The following SPATA3 variants were observed in gnomAD, a reference collection of about 807,000 sequenced individuals.
SPATA3 encodes the protein spermatogenesis-associated protein 3.
SPATA3 carries 6 observed loss-of-function variants against 5.7 expected under a neutral mutation model. That is an observed-to-expected ratio of 1.06 (90% confidence interval 0.58 to 2.09). The LOEUF (loss-of-function observed/expected upper bound fraction) is 2.09, where lower values mean the gene tolerates loss of function less well. Among genes scored for constraint, SPATA3 ranks in the 30% most tolerant of loss-of-function variants. SPATA3 has a pLI of 0.00. For synonymous variants in SPATA3, 44 were observed against 48.4 expected (o/e 0.91, Z 0.37); for missense variants, 155 against 130.4 (o/e 1.19, Z -0.92).
At chr2:231,008,808 A>T (rs1446103838), downstream of SPATA3, among the ~76,000 whole-genome samples, 1 of 152,240 alleles carries the variant, frequency 6.6e-6, no homozygotes, top group African/African-American at 2.4e-5. Context: ...AAAAGTCAGG[A>T]GAGAGTTCTG....
At chr2:231,016,506 CAAAA>C (rs749712082) in intron 6 of SPATA3, among the ~76,000 whole-genome samples, 1 of 70,070 alleles carries the variant, frequency 1.4e-5, no homozygotes, top group African/African-American at 5.3e-5. Context: ...CCTGTCTCTA[CAAAA>C]AAAAAAAAAA....
chr2:231,001,554 C>T (rs1225057271), intron 2 of SPATA3, among the ~76,000 whole-genome samples: 1 of 152,168 alleles, frequency 6.6e-6, no homozygotes, highest in Non-Finnish European at 1.5e-5. Context: ...AAAAATACTC[C>T]ACCACCCAGT....
intron 1 of SPATA3, among the ~76,000 whole-genome samples, chr2:230,997,272 G>A (rs903234640): frequency 6.6e-6 from 1 of 152,206 alleles, no homozygotes; most frequent in Non-Finnish European, 1.5e-5. Flanking sequence ...AAAAAAGGGA[G>A]TTTCCCTGCA....
At chr2:231,002,684 A>G (rs1218208659) in exon 3 of SPATA3, 2 of 1,506,768 alleles carry the variant, frequency 1.3e-6, no homozygotes, top group African/African-American at 2.8e-5. Flanking sequence ...TGCTCTACAG[A>G]AAATCTTCAA....
chr2:231,009,622 G>A (rs566431468), downstream of SPATA3, among the ~76,000 whole-genome samples: 13 of 152,314 alleles, frequency 8.5e-5, no homozygotes, highest in Admixed American at 3.3e-4. Flanking sequence ...GTTGCCTGTC[G>A]TGGGCCATAG....
At chr2:231,012,271 C>T (rs1388618345), downstream of SPATA3, among the ~76,000 whole-genome samples, 1 of 152,220 alleles carries the variant, frequency 6.6e-6, no homozygotes, top group Non-Finnish European at 1.5e-5. Context: ...GGTGTCTGAT[C>T]TCATCTGAGG....
intron 5 of SPATA3, among the ~76,000 whole-genome samples, chr2:231,013,653 G>A (rs1354404015): frequency 2.6e-5 from 4 of 152,064 alleles, no homozygotes; most frequent in African/African-American, 7.2e-5. Flanking sequence ...ACCATGCCTG[G>A]CTAATTTTGT....
intron 1 of SPATA3, among the ~76,000 whole-genome samples, chr2:230,997,245 T>C (rs946541783): frequency 4.6e-5 from 7 of 152,212 alleles, no homozygotes; most frequent in Non-Finnish European, 7.3e-5. Flanking sequence ...ATAAGTTTCA[T>C]GAGATCTAAT....
chr2:231,006,512 AAAAG>A (rs1339232624), downstream of SPATA3, among the ~76,000 whole-genome samples: 2 of 152,048 alleles, frequency 1.3e-5, no homozygotes, highest in South Asian at 2.1e-4. Context: ...TCAAAAAAAA[AAAAG>A]AAAGAAAGAA....
chr2:231,014,110 A>G (rs1176021010), exon 6 of SPATA3: 2 of 152,168 alleles, frequency 1.3e-5, no homozygotes, highest in Non-Finnish European at 2.9e-5. Context: ...TGTAGCTCAA[A>G]GAAGGGGTTA....
chr2:230,998,785 A>G (rs11890967), intron 1 of SPATA3, among the ~76,000 whole-genome samples: 46,153 of 152,142 alleles, frequency 0.3, 7,223 homozygotes, highest in East Asian at 0.45. Flanking sequence ...GCGGGAATGT[A>G]AAATGGTGCA....
chr2:230,996,628 G>A, intron 1 of SPATA3, 94 bp downstream of exon 1: 1 of 1,425,112 alleles, frequency 7.0e-7, no homozygotes, highest in Non-Finnish European at 9.4e-7. Flanking sequence ...AGTGATGCAT[G>A]GTTAACGTGT....
chr2:231,000,914 C>T (rs894285236), intron 2 of SPATA3, among the ~76,000 whole-genome samples: 2 of 152,236 alleles, frequency 1.3e-5, no homozygotes, highest in African/African-American at 2.4e-5. Flanking sequence ...CATGCACCTC[C>T]GTGGGCCCTC....
At chr2:231,007,397 A>ACT (rs1160896954), downstream of SPATA3, 1 of 152,210 alleles carries the variant, frequency 6.6e-6, no homozygotes, top group African/African-American at 2.4e-5. Context: ...GTCAAGCAGA[A>ACT]CTGGTGCCTG....
At chr2:231,018,969 C>CTTTTTT (rs10652495) in intron 6 of SPATA3, among the ~76,000 whole-genome samples, 1 of 126,318 alleles carries the variant, frequency 7.9e-6, no homozygotes, top group Non-Finnish European at 1.6e-5. Context: ...TTTTCTTTTT[C>CTTTTTT]TTTTTTTTTT....
At chr2:231,018,366 A>G (rs1467709264) in intron 6 of SPATA3, among the ~76,000 whole-genome samples, 1 of 151,924 alleles carries the variant, frequency 6.6e-6, no homozygotes, top group Non-Finnish European at 1.5e-5. Context: ...AGAAAACCTT[A>G]GCTCACCATG....
At chr2:231,008,988 G>C (rs139324685), downstream of SPATA3, among the ~76,000 whole-genome samples, 71 of 152,104 alleles carry the variant, frequency 4.7e-4, no homozygotes, top group East Asian at 0.011. Context: ...GCTCTGACTA[G>C]GTCCTGTGTC....
intron 2 of SPATA3, among the ~76,000 whole-genome samples, chr2:231,000,921 C>T (rs1430559984): frequency 6.6e-6 from 1 of 152,206 alleles, no homozygotes; most frequent in African/African-American, 2.4e-5. Flanking sequence ...CTCCGTGGGC[C>T]CTCAGTGGCC....
chr2:231,000,644 G>A, intron 2 of SPATA3, 107 bp downstream of exon 2: 1 of 1,165,866 alleles, frequency 8.6e-7, no homozygotes. Context: ...GGGAATCCCA[G>A]GCCGAAGGAA....
Sources: gnomAD v4.1 joint callset for allele counts (sites outside exome capture counted in the v4.1 genomes callset) on GRCh38, gnomAD v4.1.1 for gene constraint, MANE v1.5 for transcripts, NCBI Gene and HGNC (gene_info 2026-07-23, HGNC 2026-07-21) for gene names.